The following DCT variants were observed in gnomAD, a reference collection of about 807,000 sequenced individuals.
DCT encodes L-dopachrome tautomerase.
In DCT, 47 loss-of-function variants were observed where a neutral mutation model predicts 53.0. That is an observed-to-expected ratio of 0.89 (90% confidence interval 0.70 to 1.13). DCT has a LOEUF of 1.13. Among genes scored for constraint, DCT ranks in the 50% most tolerant of loss-of-function variants. The probability of loss-of-function intolerance (pLI) is 0.00; values close to 1 mark genes in which losing one functional copy is unlikely to be tolerated. For synonymous variants in DCT, 244 were observed against 237.0 expected, an observed-to-expected ratio of 1.03 and a Z score of -0.27; for missense variants, 669 against 637.4, an observed-to-expected ratio of 1.05 and a Z score of -0.53.
chr13:94,507,735 C>T, the DCT span, among the ~76,000 whole-genome samples: 10 of 152,202 alleles, frequency 6.6e-5, no homozygotes, highest in East Asian at 9.7e-4. Context: ...CTCCTGACCT[C>T]GTGATCCACC....
At chr13:94,462,459 C>G (rs1883877568) in intron 4 of DCT, among the ~76,000 whole-genome samples, 1 of 151,490 alleles carries the variant, frequency 6.6e-6, no homozygotes, top group South Asian at 2.1e-4. Flanking sequence ...GAGATCATGC[C>G]ACTGCCCTCC....
At chr13:94,459,569 C>A (rs1037364182) in intron 6 of DCT, among the ~76,000 whole-genome samples, 2 of 152,128 alleles carry the variant, frequency 1.3e-5, no homozygotes, top group Non-Finnish European at 2.9e-5. Flanking sequence ...TTGTTTATGT[C>A]CAACAGGGGA....
At chr13:94,464,669 A>C (rs1286645416) in intron 4 of DCT, among the ~76,000 whole-genome samples, 2 of 152,048 alleles carry the variant, frequency 1.3e-5, no homozygotes, top group Non-Finnish European at 2.9e-5. Context: ...AACAAAAAAC[A>C]AAACAAATTT....
chr13:94,507,507 T>C, the DCT span, among the ~76,000 whole-genome samples: 2 of 151,434 alleles, frequency 1.3e-5, no homozygotes, highest in African/African-American at 4.9e-5. Context: ...TATTGACTTT[T>C]TTTTTTTTTT....
At chr13:94,472,920 G>C (rs1179752056) in intron 1 of DCT, among the ~76,000 whole-genome samples, 1 of 152,010 alleles carries the variant, frequency 6.6e-6, no homozygotes, top group African/African-American at 2.4e-5. Flanking sequence ...AGTATTATTA[G>C]AGACCACTTA....
chr13:94,537,762 A>C, the DCT span, among the ~76,000 whole-genome samples: 1 of 152,220 alleles, frequency 6.6e-6, no homozygotes, highest in East Asian at 1.9e-4. Context: ...ATTCTTGAGA[A>C]CCTAAAATGT....
At chr13:94,482,246 A>G (rs1002928713), upstream of DCT, among the ~76,000 whole-genome samples, 1 of 152,178 alleles carries the variant, frequency 6.6e-6, no homozygotes, top group Admixed American at 6.5e-5. Flanking sequence ...ATCATTTACC[A>G]TGGATAGTTT....
Position 94,439,370 on chromosome 13 carries a change from A to G in DCT, c.*528T>C. The G allele has an allele frequency of 6.6e-6, 1 of 152,326 alleles. No individual in the cohort carries two copies. Among genetic ancestry groups the G allele is most frequent in the South Asian group, 2.1e-4 (1 of 4,824 alleles). 9.4% of individuals were successfully genotyped at this position (152,326 alleles called of 1,614,324 possible). A position where few individuals can be genotyped will look rare whatever the true frequency, so the allele number is the denominator to read the frequency against. ...GAAGAAAAAGAAGCCCAAGGAAGAT[A>G]ATCAGGAGGGTGCCTAGAAGCAGAG... is the stretch of plus-strand genomic sequence containing the variant. On this transcript the variant is annotated 3_prime_UTR_variant, in exon 8 of 8. Coordinates refer to ENST00000377028, the MANE Select transcript of DCT (RefSeq NM_001922.5).
At chr13:94,487,424 A>G in the DCT span, among the ~76,000 whole-genome samples, 1 of 152,250 alleles carries the variant, frequency 6.6e-6, no homozygotes, top group African/African-American at 2.4e-5. Context: ...GACTCAATGT[A>G]TGTTCATGAC....
the DCT span, among the ~76,000 whole-genome samples, chr13:94,520,545 T>C: frequency 6.6e-6 from 1 of 152,218 alleles, no homozygotes; most frequent in Non-Finnish European, 1.5e-5. Flanking sequence ...TTTGTATTCA[T>C]GGTGAATTCT....
chr13:94,451,769 T>C (rs1883110294), intron 6 of DCT, among the ~76,000 whole-genome samples: 1 of 152,198 alleles, frequency 6.6e-6, no homozygotes, highest in Non-Finnish European at 1.5e-5. Context: ...TCATTTTCCA[T>C]AAACTAATAA....
At chr13:94,520,322 A>G in the DCT span, among the ~76,000 whole-genome samples, 2 of 152,208 alleles carry the variant, frequency 1.3e-5, no homozygotes, top group East Asian at 3.9e-4. Context: ...ATAAAATATC[A>G]GGAATTAAAA....
chr13:94,466,172 A>G (rs1275697469), intron 3 of DCT, among the ~76,000 whole-genome samples: 6 of 151,518 alleles, frequency 4.0e-5, no homozygotes, highest in African/African-American at 1.5e-4. Context: ...TGTGGAATCT[A>G]AAGAAAAGAA....
intron 6 of DCT, among the ~76,000 whole-genome samples, chr13:94,451,644 G>T (rs1883101049): frequency 6.6e-6 from 1 of 151,978 alleles, no homozygotes; most frequent in African/African-American, 2.4e-5. Flanking sequence ...CTCGCATAGG[G>T]GCCATCACAG....
In DCT at chr13:94,468,998, C is replaced by G. The variant is rs200478079; in HGVS notation, c.343G>C (p.Gly115Arg). 1.2e-6 allele frequency: 2 copies of G among 1,613,976 alleles called. No homozygotes were observed. Among genetic ancestry groups the G allele is most frequent in the Non-Finnish European group, 1.7e-6 (2 of 1,179,986 alleles). The change falls in exon 2 of 8, where the codon GGT becomes CGT. Residue 115 changes from glycine to arginine, a missense_variant. Coordinates refer to ENST00000377028, the MANE Select transcript of DCT (RefSeq NM_001922.5). ...NCGDCKFGWTGPNCERKKPPV... is the reference protein window; with the variant it reads ...NCGDCKFGWTRPNCERKKPPV... ...GGTTTCTTCCGCTCGCAGTTGGGAC[C>G]GGTCCAGCCAAACTTGCAGTCTCCA...
At position 94,439,887 on chromosome 13, in the gene DCT, G is replaced by T. The variant is rs751394382; in HGVS notation, c.*11C>A. 1.3e-5 allele frequency: 21 copies of T among 1,606,190 alleles called. No individual in the cohort carries two copies. Among genetic ancestry groups the T allele is most frequent in the Admixed American group, 3.4e-5 (2 of 58,996 alleles). On this transcript the variant is annotated 3_prime_UTR_variant, in exon 8 of 8. Coordinates refer to ENST00000377028, the MANE Select transcript of DCT (RefSeq NM_001922.5). Reference sequence around the variant, plus strand: ...TGGCCAGCCTCTTCTCTTAGGTAAGGCATGAGCACCCTAGGCTTCTTCTGT... The same window carrying T: ...TGGCCAGCCTCTTCTCTTAGGTAAGTCATGAGCACCCTAGGCTTCTTCTGT...
chr13:94,521,530 C>T, the DCT span, among the ~76,000 whole-genome samples: 2 of 152,074 alleles, frequency 1.3e-5, no homozygotes, highest in South Asian at 2.1e-4. Context: ...ATTAGCCAGG[C>T]GTGGTGGCCT....
the DCT span, among the ~76,000 whole-genome samples, chr13:94,498,148 A>C: frequency 6.6e-6 from 1 of 152,210 alleles, no homozygotes; most frequent in African/African-American, 2.4e-5. Context: ...TTGGTGTGTC[A>C]AGAATTGCAT....
the DCT span, among the ~76,000 whole-genome samples, chr13:94,511,639 C>T: frequency 1.3e-5 from 2 of 152,108 alleles, no homozygotes; most frequent in African/African-American, 2.4e-5. Context: ...GGATTACAGG[C>T]GTGAGCCACC....
Sources: gnomAD v4.1 joint callset for allele counts (sites outside exome capture counted in the v4.1 genomes callset) on GRCh38, gnomAD v4.1.1 for gene constraint, MANE v1.5 for transcripts, NCBI Gene and HGNC (gene_info 2026-07-23, HGNC 2026-07-21) for gene names.